Variants in DPP10 observed in about 807,000 individuals in gnomAD.
DPP10 encodes the protein dipeptidyl peptidase like 10.
DPP10 carries 33 observed loss-of-function variants against 120.9 expected under a neutral mutation model. The ratio of observed to expected loss-of-function variants is 0.27; its 90% CI spans 0.21 to 0.37. DPP10 has a LOEUF of 0.37. DPP10 is among the 10% of genes least tolerant of loss of function. The pLI, the probability that DPP10 is intolerant of heterozygous loss-of-function variation, is 1.00. For synonymous variants in DPP10, 337 were observed against 326.1 expected (o/e 1.03, Z -0.36); for missense variants, 816 against 942.8 (o/e 0.87, Z 1.76).
intron 1 of DPP10, among the ~76,000 whole-genome samples, chr2:114,706,737 A>G (rs1487373835): frequency 3.9e-5 from 6 of 152,172 alleles, no homozygotes; most frequent in Non-Finnish European, 8.8e-5. Flanking sequence ...ATCTTCTAGT[A>G]TCCACTGTTC....
At chr2:115,161,813 T>TCCCCCCCCCCCCCCTCCC in intron 1 of DPP10, 1 of 744,540 alleles carries the variant, frequency 1.3e-6, no homozygotes. Context: ...CTTCTTCCCC[T>TCCCCCCCCCCCCCCTCCC]CCCCGCCCCT....
chr2:115,112,458 TACA>T (rs1365192700), intron 1 of DPP10, among the ~76,000 whole-genome samples: 1 of 152,228 alleles, frequency 6.6e-6, no homozygotes, highest in African/African-American at 2.4e-5. Flanking sequence ...ATTTATCATG[TACA>T]ACAAGTTGCT....
At chr2:115,030,811 G>T (rs1703789337) in intron 1 of DPP10, among the ~76,000 whole-genome samples, 2 of 152,262 alleles carry the variant, frequency 1.3e-5, no homozygotes, top group African/African-American at 2.4e-5. Context: ...TGACACTGTT[G>T]GTGGGAGTGT....
chr2:115,527,668 T>C (rs1396917420), intron 5 of DPP10, among the ~76,000 whole-genome samples: 2 of 151,982 alleles, frequency 1.3e-5, no homozygotes, highest in Non-Finnish European at 1.5e-5. Context: ...ACAACAACTA[T>C]AACAAAAACA....
At chr2:115,033,893 C>CTTTTTTTTT (rs965717193) in intron 1 of DPP10, among the ~76,000 whole-genome samples, 20 of 89,856 alleles carry the variant, frequency 2.2e-4, no homozygotes, top group East Asian at 3.6e-4. Flanking sequence ...TTTTCTTTTT[C>CTTTTTTTTT]TTTTTTTTTT....
At chr2:115,730,878 T>C (rs1184032348) in intron 8 of DPP10, among the ~76,000 whole-genome samples, 1 of 152,154 alleles carries the variant, frequency 6.6e-6, no homozygotes, top group African/African-American at 2.4e-5. Context: ...GGAAATGCTG[T>C]ACGTGTATGT....
At chr2:115,025,839 A>G (rs774210515) in intron 1 of DPP10, among the ~76,000 whole-genome samples, 3 of 151,662 alleles carry the variant, frequency 2.0e-5, no homozygotes, top group Non-Finnish European at 3.0e-5. Context: ...CCCATTTTTA[A>G]TAAGATATTT....
intron 1 of DPP10, among the ~76,000 whole-genome samples, chr2:114,487,267 C>T (rs1447081126): frequency 6.6e-6 from 1 of 152,112 alleles, no homozygotes; most frequent in African/African-American, 2.4e-5. Flanking sequence ...AATACCTTTG[C>T]ATGCAAATAA....
chr2:114,601,560 A>G (rs535535575), intron 1 of DPP10, among the ~76,000 whole-genome samples: 1 of 152,032 alleles, frequency 6.6e-6, no homozygotes, highest in South Asian at 2.1e-4. Context: ...TTCAAGTTTT[A>G]ATGATAGTAT....
At chr2:115,255,978 C>A (rs1232921204) in intron 1 of DPP10, among the ~76,000 whole-genome samples, 1 of 152,198 alleles carries the variant, frequency 6.6e-6, no homozygotes, top group African/African-American at 2.4e-5. Context: ...AGTTCAAAAG[C>A]CGCTTCCACG....
intron 15 of DPP10, among the ~76,000 whole-genome samples, chr2:115,779,469 C>T (rs1255715446): frequency 6.6e-6 from 1 of 151,984 alleles, no homozygotes; most frequent in Non-Finnish European, 1.5e-5. Context: ...GGACTGCTAC[C>T]GTAGTCATTG....
At chr2:114,927,887 G>C (rs1345993753) in intron 1 of DPP10, among the ~76,000 whole-genome samples, 2 of 152,188 alleles carry the variant, frequency 1.3e-5, no homozygotes, top group Non-Finnish European at 2.9e-5. Flanking sequence ...AGTATGTGCA[G>C]AGATCACAAG....
chr2:114,709,282 A>G (rs929527197), intron 1 of DPP10, among the ~76,000 whole-genome samples: 4 of 152,142 alleles, frequency 2.6e-5, no homozygotes, highest in Non-Finnish European at 5.9e-5. Context: ...ACCTATTGAC[A>G]TCCAGGTTCA....
At chr2:114,917,937 A>C (rs917513752) in intron 1 of DPP10, among the ~76,000 whole-genome samples, 2 of 152,214 alleles carry the variant, frequency 1.3e-5, no homozygotes, top group Admixed American at 6.5e-5. Context: ...CAATGGCAAC[A>C]AAAACAAAAA....
At chr2:114,964,435 AAGAACTGG>A (rs1249539876) in intron 1 of DPP10, among the ~76,000 whole-genome samples, 1 of 152,132 alleles carries the variant, frequency 6.6e-6, no homozygotes, top group Non-Finnish European at 1.5e-5. Context: ...ATAAGAAAAA[AAGAACTGG>A]AGCAATGATA....
chr2:115,798,094 G>A (rs1299058891), intron 19 of DPP10, among the ~76,000 whole-genome samples: 10 of 151,686 alleles, frequency 6.6e-5, no homozygotes, highest in Admixed American at 6.6e-4. Context: ...TGAATGATAT[G>A]GGCTTATTAA....
chr2:114,526,604 C>T (rs1374767924), intron 1 of DPP10, among the ~76,000 whole-genome samples: 1 of 152,090 alleles, frequency 6.6e-6, no homozygotes, highest in Non-Finnish European at 1.5e-5. Context: ...GTTCTGGAGA[C>T]TGGGAAGTCC....
chr2:115,513,369 A>G (rs887180562), intron 4 of DPP10, among the ~76,000 whole-genome samples: 1 of 151,878 alleles, frequency 6.6e-6, no homozygotes, highest in Non-Finnish European at 1.5e-5. Context: ...TTTTCATTTA[A>G]TGCAATTATT....
chr2:115,036,536 A>C (rs1229229430), intron 1 of DPP10, among the ~76,000 whole-genome samples: 2 of 152,122 alleles, frequency 1.3e-5, no homozygotes, highest in South Asian at 4.1e-4. Flanking sequence ...TGATTATCGC[A>C]CCATTGTAAA....
Sources: allele counts gnomAD v4.1 joint callset (sites outside exome capture counted in the v4.1 genomes callset), GRCh38; gene constraint gnomAD v4.1.1; transcripts MANE v1.5; gene names NCBI Gene and HGNC (gene_info 2026-07-23, HGNC 2026-07-21).